The following PROS1 variants were observed in gnomAD, a reference collection of about 807,000 sequenced individuals.
PROS1 encodes the protein vitamin K-dependent protein S.
PROS1 carries 29 observed loss-of-function variants against 75.9 expected under a neutral mutation model. The observed-to-expected ratio is 0.38, with a 90% CI of 0.28 to 0.52. PROS1 has a LOEUF of 0.52. Ranked by LOEUF, PROS1 falls within the 20% of genes least tolerant of loss-of-function variation. The probability of loss-of-function intolerance (pLI) is 0.83; values close to 1 mark genes in which losing one functional copy is unlikely to be tolerated. For synonymous variants in PROS1, 245 were observed against 280.6 expected (o/e 0.87, Z 1.27); for missense variants, 680 against 810.3 (o/e 0.84, Z 1.95).
intron 1 of PROS1, among the ~76,000 whole-genome samples, chr3:93,954,148 G>A (rs1298513195): frequency 1.3e-5 from 2 of 152,114 alleles, no homozygotes; most frequent in African/African-American, 2.4e-5. Flanking sequence ...TGGCCATACT[G>A]CCCAAGGTAA....
chr3:93,968,032 T>A (rs1184172886), intron 1 of PROS1: 1 of 152,008 alleles, frequency 6.6e-6, no homozygotes, highest in Non-Finnish European at 1.5e-5. Flanking sequence ...TAAAATAAAA[T>A]ACAGCACTAT....
Position 93,906,051 on chromosome 3 carries a change from G to A in PROS1, c.439C>T (p.Pro147Ser). Residue 147 changes from proline to serine, a missense_variant, in exon 5 of 15, where the codon CCA becomes TCA. Pro to Ser is a moderately conservative substitution (Grantham distance 74). Transcript: ENST00000394236. ...TCACACTTTTCTCCTTGCCAACCTGGTTTACAAGTGCAAGTAAAAGAAGCT... is the reference window on the plus strand; with the variant it reads ...TCACACTTTTCTCCTTGCCAACCTGATTTACAAGTGCAAGTAAAAGAAGCT... The part of the protein sequence containing the change: ...GKASFTCTCK[P>S]GWQGEKCEFD... 1.2e-6 allele frequency: 2 copies of A among 1,614,062 alleles called. No individual in the cohort carries two copies. The highest frequency in any genetic ancestry group is 1.3e-5 in the African/African-American group (1 of 75,016).
chr3:93,925,422 G>A (rs1445026484), intron 2 of PROS1, among the ~76,000 whole-genome samples: 1 of 152,136 alleles, frequency 6.6e-6, no homozygotes, highest in Non-Finnish European at 1.5e-5. Flanking sequence ...GGCATAAGTA[G>A]TACTGTGGGG....
At chr3:93,904,484 A>G (rs1256041969) in intron 6 of PROS1, among the ~76,000 whole-genome samples, 1 of 152,190 alleles carries the variant, frequency 6.6e-6, no homozygotes, top group Non-Finnish European at 1.5e-5. Context: ...ATTATAGTAC[A>G]TTTTATCATA....
intron 1 of PROS1, among the ~76,000 whole-genome samples, chr3:93,962,499 C>T (rs2107262521): frequency 6.6e-6 from 1 of 152,290 alleles, no homozygotes; most frequent in Middle Eastern, 3.4e-3. Flanking sequence ...TTTCTCCAAA[C>T]TAAAGTATCT....
At chr3:93,918,264 C>T (rs2107189031) in intron 3 of PROS1, among the ~76,000 whole-genome samples, 1 of 152,180 alleles carries the variant, frequency 6.6e-6, no homozygotes, top group Admixed American at 6.5e-5. Flanking sequence ...TGTAAACGCA[C>T]CAATCAGCGC....
chr3:93,950,427 T>A (rs181215787), intron 1 of PROS1, among the ~76,000 whole-genome samples: 2 of 152,188 alleles, frequency 1.3e-5, no homozygotes, highest in Admixed American at 6.5e-5. Flanking sequence ...CTGGGAGACA[T>A]CTCCCAGTAG....
In PROS1 at chr3:93,903,415, C is replaced by T. The variant is rs189481326; in HGVS notation, c.601+2369G>A. 3.5e-3 allele frequency among the ~76,000 whole-genome samples: 530 copies of T among 152,162 alleles called. 2 individuals carry two copies. Among genetic ancestry groups the T allele is most frequent in the Non-Finnish European group, 5.2e-3 (355 of 68,004 alleles). On this transcript the variant is annotated intron_variant, in intron 6 of 14. Coordinates refer to ENST00000394236, the MANE Select transcript of PROS1 (RefSeq NM_000313.4). Reference sequence around the variant, plus strand: ...GTGGTGGCTCATGCCTGTAATCCCACGACCTTGTGAGGTTGAAGTGGATGG... The same window carrying T: ...GTGGTGGCTCATGCCTGTAATCCCATGACCTTGTGAGGTTGAAGTGGATGG...
chr3:93,896,719 C>T (rs746815818), intron 8 of PROS1, 28 bp from the exon 9 acceptor site: 1 of 1,514,712 alleles, frequency 6.6e-7, no homozygotes, highest in South Asian at 1.1e-5. Context: ...AAATAAACAA[C>T]AAGAAAATCA....
intron 1 of PROS1, among the ~76,000 whole-genome samples, chr3:93,935,163 T>C (rs1709163974): frequency 6.6e-6 from 1 of 152,186 alleles, no homozygotes; most frequent in Non-Finnish European, 1.5e-5. Context: ...ATTGAAGGGA[T>C]TCAAGAGCTC....
At chr3:93,917,506 C>A (rs746939576) in intron 3 of PROS1, among the ~76,000 whole-genome samples, 2 of 152,200 alleles carry the variant, frequency 1.3e-5, no homozygotes, top group Non-Finnish European at 2.9e-5. Flanking sequence ...TGGGCTCCCA[C>A]TTTGGCGGCA....
At chr3:93,930,150 C>T (rs755270822) in intron 1 of PROS1, among the ~76,000 whole-genome samples, 4 of 152,080 alleles carry the variant, frequency 2.6e-5, no homozygotes, top group Non-Finnish European at 5.9e-5. Context: ...ATTTGTAACC[C>T]TATCTCTTGA....
chr3:93,894,326 T>A (rs1180267458), intron 9 of PROS1, among the ~76,000 whole-genome samples: 1 of 152,138 alleles, frequency 6.6e-6, no homozygotes, highest in Non-Finnish European at 1.5e-5. Flanking sequence ...GAGTAAAGTA[T>A]GTTGGATGGA....
chr3:93,916,392 A>T (rs577570557), intron 3 of PROS1, among the ~76,000 whole-genome samples: 1 of 152,224 alleles, frequency 6.6e-6, no homozygotes, highest in Non-Finnish European at 1.5e-5. Flanking sequence ...GAAATGTTTC[A>T]TATGAGTTTA....
chr3:93,912,325 C>T (rs895900503), intron 3 of PROS1, among the ~76,000 whole-genome samples: 6 of 152,122 alleles, frequency 3.9e-5, no homozygotes, highest in Non-Finnish European at 8.8e-5. Context: ...ATGGTTTTAT[C>T]GGGTCCTCTC....
Position 93,927,403 on chromosome 3 carries a change from CAA to C in PROS1, c.79_80del (p.Leu27ValfsTer11). On this transcript the variant is annotated frameshift_variant and splice_region_variant, in exon 2 of 15. Coordinates refer to ENST00000394236, the MANE Select transcript of PROS1 (RefSeq NM_000313.4). LOFTEE classifies it high-confidence loss of function. ...GGACTTGTGAAGCCTGTTGCTTTGA[CAA>C]AACTGAAGGAAACAATCAGTTTATA... ...LVLPVSEANF[L>X]SKQQASQVLV... 1 of 1,613,922 alleles carries C rather than the reference CAA, an allele frequency of 6.2e-7. No homozygotes were observed.
chr3:93,892,945 A>G lies in PROS1; in HGVS notation c.1143T>C (p.Gly381=). 6.2e-7 allele frequency: 1 copy of G among 1,611,428 alleles called. No homozygotes were observed. Among genetic ancestry groups the G allele is most frequent in the Non-Finnish European group, 8.5e-7 (1 of 1,179,150 alleles). The change falls in exon 10 of 15, where the codon GGT becomes GGC. Residue 381 remains glycine (G), a synonymous_variant. Coordinates refer to ENST00000394236, the MANE Select transcript of PROS1 (RefSeq NM_000313.4). ...ITTGGDVINN[G]LWNMVSVEEL... Reference sequence around the variant, plus strand: ...TCTGCAAACGTACCATATTCCATAGACCATTATTAATAACATCACCTCCAG... The same window carrying G: ...TCTGCAAACGTACCATATTCCATAGGCCATTATTAATAACATCACCTCCAG...
chr3:93,900,745 C>T, intron 7 of PROS1, 59 bp downstream of exon 7: 2 of 1,604,486 alleles, frequency 1.2e-6, no homozygotes, highest in Admixed American at 3.3e-5. Context: ...TTTTAAATAT[C>T]AGTTCAGGGT....
At chr3:93,924,400 T>C in intron 2 of PROS1, 136 bp from the exon 3 acceptor site, 1 of 434,320 alleles carries the variant, frequency 2.3e-6, no homozygotes, top group Non-Finnish European at 3.5e-6. Context: ...ATTATAATTT[T>C]TATATAGTAA....
Sources: allele counts gnomAD v4.1 joint callset (sites outside exome capture counted in the v4.1 genomes callset), GRCh38; gene constraint gnomAD v4.1.1; transcripts MANE v1.5; gene names NCBI Gene and HGNC (gene_info 2026-07-23, HGNC 2026-07-21).